Variants in ZNF676 observed in about 807,000 individuals in gnomAD.
ZNF676 encodes zinc finger protein 676.
A neutral mutation model predicts 6.0 loss-of-function variants in ZNF676; 4 were observed. That is an observed-to-expected ratio of 0.67 (90% CI 0.33 to 1.53). The LOEUF is 1.53. Ranked by LOEUF, ZNF676 falls within the 40% of genes most tolerant of loss-of-function variation. ZNF676 has a pLI of 0.06. For synonymous variants in ZNF676, 198 were observed against 223.1 expected (o/e 0.89, Z 1.00); for missense variants, 644 against 679.7 (o/e 0.95, Z 0.58).
chr19:22,183,700 C>G (rs924679774), intron 2 of ZNF676, among the ~76,000 whole-genome samples: 7 of 152,084 alleles, frequency 4.6e-5, no homozygotes, highest in Admixed American at 2.0e-4. Flanking sequence ...CAGTTGAAAT[C>G]TAATGTTAAA....
the ZNF676 span, among the ~76,000 whole-genome samples, chr19:22,241,335 G>T: frequency 2.0e-5 from 3 of 151,872 alleles, no homozygotes; most frequent in Non-Finnish European, 2.9e-5. Context: ...ACAATGGGCT[G>T]GATTTGTACA....
rs193066463 is a variant in ZNF676 at position 22,189,945 on chromosome 19, T to C, written c.130+3071A>G. 1.7e-3 allele frequency among the ~76,000 whole-genome samples: 252 copies of C among 152,212 alleles called. 1 individual carries two copies. Among genetic ancestry groups the C allele is most frequent in the Middle Eastern group, 3.4e-3 (1 of 292 alleles). ...AGTGGAGTGTAAATTAGTTCAGCCA[T>C]TGTGGAAGACAATGTGGCGATTCCT... On this transcript the variant is annotated intron_variant, in intron 2 of 2. Coordinates refer to ENST00000397121, the MANE Select transcript of ZNF676 (RefSeq NM_001001411.3).
At chr19:22,217,601 C>CT (rs145636144), upstream of ZNF676, among the ~76,000 whole-genome samples, 3 of 139,326 alleles carry the variant, frequency 2.2e-5, no homozygotes, top group African/African-American at 5.2e-5. Context: ...GTTCTTTTTT[C>CT]CTTTTTTTTT....
intron 2 of ZNF676, among the ~76,000 whole-genome samples, chr19:22,191,087 G>T (rs563382672): frequency 6.6e-6 from 1 of 152,250 alleles, no homozygotes; most frequent in African/African-American, 2.4e-5. Context: ...GGTATAGAAA[G>T]GTTGGAGAAT....
chr19:22,236,101 G>A, the ZNF676 span, among the ~76,000 whole-genome samples: 17 of 151,764 alleles, frequency 1.1e-4, no homozygotes, highest in African/African-American at 4.1e-4. Flanking sequence ...CCTTAATGGT[G>A]GCACTAATCT....
At position 22,215,727 on chromosome 19, in the gene ZNF676, T is replaced by G. The variant is rs1270797738; in HGVS notation, c.-93A>C. On this transcript the variant is annotated 5_prime_UTR_variant, in exon 1 of 4. Coordinates refer to the ZNF676 transcript ENST00000650058. ...ACAGAGGCTGGGACTCTAGGAACAG[T>G]AAGGACAAGGCCTTTACCTCCGGCT... The G allele has an allele frequency of 7.3e-6, 11 of 1,515,652 alleles. No individual in the cohort carries two copies. The Admixed American group carries it at 1.9e-4, about 27-fold the overall frequency. 93.9% of individuals were successfully genotyped at this position (1,515,652 alleles called of 1,614,324 possible).
chr19:22,200,229 TA>T (rs997039204), upstream of ZNF676, among the ~76,000 whole-genome samples: 17 of 151,274 alleles, frequency 1.1e-4, no homozygotes, highest in South Asian at 8.3e-4. Flanking sequence ...ATAAGAAATT[TA>T]AAAAAAAATC....
At position 22,179,786 on chromosome 19, in the gene ZNF676, A is replaced by G; in HGVS notation, c.*164T>C. ...CCTTTGTCACATTCTTCACGTTTGT[A>G]GTGTTTCTCTCCAGCATGAATTTTC... On this transcript the variant is annotated 3_prime_UTR_variant, in exon 3 of 3. Coordinates refer to ENST00000397121, the MANE Select transcript of ZNF676 (RefSeq NM_001001411.3). 1.2e-6 allele frequency: 1 copy of G among 867,262 alleles called. No individual in the cohort carries two copies. The highest frequency in any genetic ancestry group is 1.9e-6 in the Non-Finnish European group (1 of 524,530). The allele number at this position is 867,262 out of a possible 1,614,324, so 53.7% of individuals were successfully genotyped here.
chr19:22,235,048 AGGC>A, the ZNF676 span, among the ~76,000 whole-genome samples: 71 of 147,864 alleles, frequency 4.8e-4, no homozygotes, highest in African/African-American at 1.1e-3. Context: ...AAAAGAAGGA[AGGC>A]AGAAAGGCAG....
intron 2 of ZNF676, among the ~76,000 whole-genome samples, chr19:22,185,093 C>A (rs2023817633): frequency 1.3e-5 from 2 of 152,096 alleles, no homozygotes; most frequent in Non-Finnish European, 2.9e-5. Flanking sequence ...CCAGTAGAAG[C>A]TGATAGAGAC....
At chr19:22,204,989 T>C (rs1323794328) in intron 1 of ZNF676, among the ~76,000 whole-genome samples, 1 of 152,206 alleles carries the variant, frequency 6.6e-6, no homozygotes, top group Non-Finnish European at 1.5e-5. Context: ...GAATAAAGCC[T>C]CTTATTTCTC....
chr19:22,201,662 A>T (rs1264669519), upstream of ZNF676, among the ~76,000 whole-genome samples: 1 of 148,130 alleles, frequency 6.8e-6, no homozygotes, highest in Non-Finnish European at 1.5e-5. Flanking sequence ...TTTTAACTTG[A>T]GACAAAATAT....
chr19:22,224,354 T>C, the ZNF676 span, among the ~76,000 whole-genome samples: 1 of 149,918 alleles, frequency 6.7e-6, no homozygotes, highest in East Asian at 2.0e-4. Context: ...TGGGGTTTAA[T>C]TGAGAAATAA....
At chr19:22,185,959 A>G (rs1665563095) in intron 2 of ZNF676, among the ~76,000 whole-genome samples, 1 of 152,186 alleles carries the variant, frequency 6.6e-6, no homozygotes, top group Non-Finnish European at 1.5e-5. Context: ...AACACTCTTC[A>G]GGATATCATC....
At chr19:22,260,242 G>A in the ZNF676 span, among the ~76,000 whole-genome samples, 2 of 152,216 alleles carry the variant, frequency 1.3e-5, no homozygotes, top group African/African-American at 2.4e-5. Context: ...TCCACACAGC[G>A]GCTCACACCT....
the ZNF676 span, among the ~76,000 whole-genome samples, chr19:22,231,795 T>C: frequency 6.6e-6 from 1 of 151,452 alleles, no homozygotes; most frequent in African/African-American, 2.4e-5. Flanking sequence ...TTGAGACGGG[T>C]TTTCACCATG....
At chr19:22,200,540 A>C (rs2024015210), upstream of ZNF676, among the ~76,000 whole-genome samples, 1 of 43,372 alleles carries the variant, frequency 2.3e-5, no homozygotes, top group African/African-American at 1.7e-4. Flanking sequence ...TTTTTTTGAG[A>C]CTGAGTCTCA....
At chr19:22,231,081 T>G in the ZNF676 span, among the ~76,000 whole-genome samples, 2 of 152,152 alleles carry the variant, frequency 1.3e-5, no homozygotes, top group Admixed American at 1.3e-4. Flanking sequence ...GAAAAAAATT[T>G]AGAAAACAAT....
intron 2 of ZNF676, among the ~76,000 whole-genome samples, chr19:22,190,690 CAT>C (rs912393599): frequency 1.1e-5 from 1 of 87,560 alleles, no homozygotes; most frequent in African/African-American, 3.6e-5. Context: ...GATATATGGT[CAT>C]ATGAGGAGTC....
Sources: gnomAD v4.1 joint callset for allele counts (sites outside exome capture counted in the v4.1 genomes callset) on GRCh38, gnomAD v4.1.1 for gene constraint, MANE v1.5 for transcripts, NCBI Gene and HGNC (gene_info 2026-07-23, HGNC 2026-07-21) for gene names.